TOP1MT: variants seen among roughly 807,000 people sequenced by gnomAD.
TOP1MT encodes the protein DNA topoisomerase I mitochondrial.
TOP1MT carries 80 observed loss-of-function variants against 73.9 expected under a neutral mutation model. The ratio of observed to expected loss-of-function variants is 1.08; its 90% CI spans 0.90 to 1.30. The LOEUF (loss-of-function observed/expected upper bound fraction) is 1.30. Ranked by LOEUF, TOP1MT falls within the 50% of genes most tolerant of loss-of-function variation. The pLI is 0.00. For missense variants in TOP1MT, 815 were observed against 808.0 expected (o/e 1.01, Z -0.10); for synonymous variants, 338 against 326.4 (o/e 1.04, Z -0.38).
chr8:143,323,258 A>G (rs1816579201), intron 7 of TOP1MT, among the ~76,000 whole-genome samples: 1 of 117,016 alleles, frequency 8.5e-6, no homozygotes, highest in Non-Finnish European at 1.7e-5. Context: ...CAGGCACGCC[A>G]CACACATGCA....
chr8:143,357,255 A>G (rs1817427425), upstream of TOP1MT, among the ~76,000 whole-genome samples: 1 of 151,834 alleles, frequency 6.6e-6, no homozygotes, highest in African/African-American at 2.4e-5. Flanking sequence ...ACAAAAATTA[A>G]AAAGAAGAAT....
At chr8:143,309,868 C>T in intron 13 of TOP1MT, 200 bp downstream of exon 13, 1 of 1,540,752 alleles carries the variant, frequency 6.5e-7, no homozygotes, top group South Asian at 1.2e-5. Context: ...ACCCCCACTT[C>T]ACCCTGTCCA....
At chr8:143,322,682 A>ACACACGCACGC (rs1295791341) in intron 7 of TOP1MT, among the ~76,000 whole-genome samples, 4 of 88,120 alleles carry the variant, frequency 4.5e-5, no homozygotes, top group African/African-American at 1.9e-4. Flanking sequence ...CACGCACGCC[A>ACACACGCACGC]CACACGCACG....
chr8:143,321,464 C>CCACACACACGCACGCCA lies in TOP1MT; in HGVS notation c.961-79_961-78insTGGCGTGCGTGTGTGTG, dbSNP rs540913430. ...CACACGCACGCCACACACACGCACG[C>CCACACACACGCACGCCA]CACACACGCACGCCACACGCACGCC... On this transcript the variant is annotated intron_variant, in intron 7 of 13. Transcript: ENST00000329245. The CCACACACACGCACGCCA allele has an allele frequency of 1.7e-5, 17 of 997,208 alleles. No homozygotes were observed. In the African/African-American group the frequency reaches 2.5e-4, roughly 15 times the overall value. 61.8% of individuals were successfully genotyped at this position (997,208 alleles called of 1,614,324 possible).
chr8:143,322,714 GCCACACACAGGCACGCCACA>G (rs1816513799), intron 7 of TOP1MT, among the ~76,000 whole-genome samples: 2 of 18,606 alleles, frequency 1.1e-4, no homozygotes, highest in African/African-American at 5.4e-4. Context: ...CCACACGCAC[GCCACACACAGGCACGCCACA>G]CACGCCACAC....
intron 1 of TOP1MT, among the ~76,000 whole-genome samples, chr8:143,352,206 A>C (rs896360761): frequency 1.1e-4 from 17 of 152,262 alleles, no homozygotes; most frequent in Non-Finnish European, 1.5e-4. Context: ...ACAAGGAAAC[A>C]CAAAGGACCC....
Position 143,317,717 on chromosome 8 carries a change from G to A in TOP1MT, c.1330+6C>T, listed in dbSNP as rs772323473. ...CGCGCTGAGTGTGGGTGTGGGGCAG[G>A]CTCACCGCGCGTCAGGGCCCGCAGC... is the stretch of plus-strand genomic sequence containing the variant. On this transcript the variant is annotated splice_donor_region_variant and intron_variant, in intron 10 of 13. Transcript: ENST00000329245. 3 of 1,611,410 alleles carry A rather than the reference G, an allele frequency of 1.9e-6. No homozygotes were observed.
chr8:143,317,681 CG>C, intron 10 of TOP1MT, 41 bp downstream of exon 10: 2 of 1,446,352 alleles, frequency 1.4e-6, no homozygotes, highest in Non-Finnish European at 1.8e-6. Context: ...GGGCAGGGGC[CG>C]TGCTCCCCCC....
upstream of TOP1MT, among the ~76,000 whole-genome samples, chr8:143,349,173 CACAA>C (rs1030080669): frequency 1.1e-3 from 166 of 152,236 alleles, 1 homozygote; most frequent in African/African-American, 3.4e-3. Flanking sequence ...CTCAAGCACA[CACAA>C]ACAGAGAGAG....
chr8:143,312,349 T>C (rs1466363807), intron 12 of TOP1MT, among the ~76,000 whole-genome samples: 1 of 152,090 alleles, frequency 6.6e-6, no homozygotes, highest in Non-Finnish European at 1.5e-5. Flanking sequence ...AATCCAGCAA[T>C]AGACAAAAAT....
upstream of TOP1MT, among the ~76,000 whole-genome samples, chr8:143,348,053 C>G (rs1195716641): frequency 6.6e-6 from 1 of 152,168 alleles, no homozygotes; most frequent in African/African-American, 2.4e-5. The surrounding 1 kb of genome is among the most constrained non-coding windows in gnomAD (Gnocchi z 4.6). Flanking sequence ...GGGACCTCCA[C>G]CCAGGGCCTC....
Position 143,324,440 on chromosome 8 carries a change from G to T in TOP1MT, c.816+45C>A. The T allele has an allele frequency of 2.5e-6, 4 of 1,612,642 alleles. No homozygotes were observed. The East Asian group carries it at 8.9e-5, about 36-fold the overall frequency. On this transcript the variant is annotated intron_variant, in intron 6 of 13. Transcript: ENST00000329245. ...CACACCTCCCTGCCGGCGTCCTCAG[G>T]GGGACCTCCTGGGGAGGAAACACCC...
chr8:143,313,993 C>T (rs1410168598), intron 12 of TOP1MT, among the ~76,000 whole-genome samples: 2 of 152,146 alleles, frequency 1.3e-5, no homozygotes, highest in East Asian at 3.8e-4. Flanking sequence ...TCTCCAGAGA[C>T]GATACAGAAG....
intron 2 of TOP1MT, among the ~76,000 whole-genome samples, chr8:143,342,027 G>T (rs2130407777): frequency 6.9e-6 from 1 of 144,718 alleles, no homozygotes; most frequent in African/African-American, 2.7e-5. Flanking sequence ...TTATATTAGA[G>T]ACAGAGTCTC....
intron 1 of TOP1MT, among the ~76,000 whole-genome samples, chr8:143,354,172 C>T (rs1198571253): frequency 4.0e-5 from 6 of 151,868 alleles, no homozygotes; most frequent in African/African-American, 9.7e-5. Flanking sequence ...CATCAGCAGA[C>T]GAACGGATCA....
intron 7 of TOP1MT, among the ~76,000 whole-genome samples, chr8:143,323,690 CCACACA>C (rs145332042): frequency 1.4e-5 from 1 of 69,730 alleles, no homozygotes; most frequent in Non-Finnish European, 3.2e-5. Context: ...CACATGCACG[CCACACA>C]CACAGGCACA....
chr8:143,328,706 C>T (rs961902859), intron 3 of TOP1MT, among the ~76,000 whole-genome samples: 3 of 152,254 alleles, frequency 2.0e-5, no homozygotes, highest in African/African-American at 7.2e-5. Context: ...TAATCAAACA[C>T]CCACGAATAG....
At chr8:143,343,263 A>C (rs1817163950) in exon 2 of TOP1MT, 1 of 456,162 alleles carries the variant, frequency 2.2e-6, no homozygotes, top group African/African-American at 2.0e-5. Context: ...ATTAGTCTTC[A>C]CTGGCGTGGT....
upstream of TOP1MT, among the ~76,000 whole-genome samples, chr8:143,346,454 T>C (rs1817222247): frequency 6.6e-6 from 1 of 152,170 alleles, no homozygotes. Flanking sequence ...TAAAAAAAGA[T>C]ATATTTTAAA....
Sources: allele counts gnomAD v4.1 joint callset (sites outside exome capture counted in the v4.1 genomes callset), GRCh38; gene constraint gnomAD v4.1.1; non-coding constraint Gnocchi (gnomAD v3.1); transcripts MANE v1.5; gene names NCBI Gene and HGNC (gene_info 2026-07-23, HGNC 2026-07-21).